The following CDK4 variants were observed in gnomAD, a reference collection of about 807,000 sequenced individuals.
CDK4 encodes the protein cyclin-dependent kinase 4.
In CDK4, 13 loss-of-function variants were observed where a neutral mutation model predicts 36.7. The ratio of observed to expected loss-of-function variants is 0.35; its 90% CI spans 0.23 to 0.56. The LOEUF is 0.56. Ranked by LOEUF, CDK4 falls within the 20% of genes least tolerant of loss-of-function variation. CDK4 has a pLI of 0.85. For missense variants in CDK4, 285 were observed against 387.3 expected (o/e 0.74, Z 2.22); for synonymous variants, 158 against 146.4 (o/e 1.08, Z -0.57).
In CDK4 at chr12:57,749,282, C is replaced by T. The variant is rs531817742; in HGVS notation, c.719G>A (p.Arg240Gln). ...IGLPPEDDWP[R>Q]DVSLPRGAFP... ...GGCTCCACGGGGCAGGGATACATCT[C>T]GAGGCCAGTCATCCTCTGGAGGCAG... The change falls in exon 7 of 8, where the codon CGA becomes CAA. Residue 240 changes from arginine (R) to glutamine (Q), a missense_variant. Physicochemically the swap from Arg to Gln is conservative, Grantham distance 43. Coordinates refer to ENST00000257904, the MANE Select transcript of CDK4 (RefSeq NM_000075.4). The T allele has an allele frequency of 6.2e-6, 10 of 1,614,198 alleles. No individual in the cohort carries two copies. Among genetic ancestry groups the T allele is most frequent in the African/African-American group, 5.3e-5 (4 of 75,058 alleles).
At chr12:57,748,819 T>C (rs2140381822) in intron 7 of CDK4, 3 of 570,438 alleles carry the variant, frequency 5.3e-6, no homozygotes, top group Non-Finnish European at 9.4e-6. Context: ...GATTCTCCTA[T>C]CTCAGCCTCC....
Position 57,747,747 on chromosome 12 carries a change from C to CT in CDK4, c.*777dup, listed in dbSNP as rs146863045. The CT allele has an allele frequency of 6.5e-3, 988 of 151,274 alleles. 4 individuals are homozygous for CT. The highest frequency in any genetic ancestry group is 9.8e-3 in the Middle Eastern group (3 of 306). The allele number at this position is 151,274 out of a possible 1,614,324, so 9.4% of individuals were successfully genotyped here. ...TAAAAGCCATTTAAAAATCTATATT[C>CT]TTTTTTTTTTTTTGACACAGAGTCT... is the stretch of plus-strand genomic sequence containing the variant. On this transcript the variant is annotated 3_prime_UTR_variant, in exon 8 of 8. Transcript: ENST00000257904.
chr12:57,751,036 C>T lies in CDK4; in HGVS notation c.409G>A (p.Val137Ile), dbSNP rs150281463. 2.6e-5 allele frequency: 42 copies of T among 1,614,146 alleles called. No homozygotes were observed. Among genetic ancestry groups the T allele is most frequent in the African/African-American group, 1.5e-4 (11 of 75,010 alleles). ...TTCTCTGGCTTCAGATCTCGGTGAA[C>T]GATGCAATTGGCATGAAGGAAATCT... ...GLDFLHANCI[V>I]HRDLKPENIL... The change falls in exon 4 of 8, where the codon GTT becomes ATT. Residue 137 changes from valine (V) to isoleucine (I), a missense_variant. Coordinates refer to ENST00000257904, the MANE Select transcript of CDK4 (RefSeq NM_000075.4). The surrounding 1 kb of genome is among the most constrained non-coding windows in gnomAD (Gnocchi z 4.5).
At chr12:57,749,087 G>T in intron 7 of CDK4, 95 bp downstream of exon 7, 1 of 1,499,092 alleles carries the variant, frequency 6.7e-7, no homozygotes, top group South Asian at 1.1e-5. Flanking sequence ...TACCAACCAA[G>T]TTTCATTAAC....
At chr12:57,750,566 C>CAA in intron 5 of CDK4, 90 bp downstream of exon 5, 2 of 917,814 alleles carry the variant, frequency 2.2e-6, no homozygotes, top group Non-Finnish European at 3.6e-6. Context: ...GCCCTGGTCT[C>CAA]AAAAAAAAAG....
In CDK4 at chr12:57,751,389, G is replaced by A. The variant is rs2140387753; in HGVS notation, c.219-47C>T. The A allele has an allele frequency of 2.5e-6, 4 of 1,613,648 alleles. No individual in the cohort carries two copies. Among genetic ancestry groups the A allele is most frequent in the Non-Finnish European group, 3.4e-6 (4 of 1,179,784 alleles). ...TTTTCAATCCCCTTTAACCCAACAT[G>A]GCCTCTCATTATTTCCTCAGGGTCC... On this transcript the variant is annotated intron_variant, in intron 2 of 7. Coordinates refer to ENST00000257904, the MANE Select transcript of CDK4 (RefSeq NM_000075.4). The surrounding 1 kb of genome is among the most constrained non-coding windows in gnomAD (Gnocchi z 4.5).
rs1955188619 is a variant in CDK4, at chr12:57,748,631, CA to C, written c.820-15del. On this transcript the variant is annotated splice_polypyrimidine_tract_variant and intron_variant, in intron 7 of 7. Coordinates refer to ENST00000257904, the MANE Select transcript of CDK4 (RefSeq NM_000075.4). ...AGTCAGCATTTCCTGAGGGGAGAGGCAAAGGTCAGAAAACCATGAAGAAAAC... is the reference window on the plus strand; with the variant it reads ...AGTCAGCATTTCCTGAGGGGAGAGGCAAGGTCAGAAAACCATGAAGAAAAC... The C allele has an allele frequency of 1.9e-6, 3 of 1,585,692 alleles. No homozygotes were observed. Among genetic ancestry groups the C allele is most frequent in the African/African-American group, 2.7e-5 (2 of 74,352 alleles).
rs2140388266 is a variant in CDK4, at chr12:57,751,551, T to G, written c.167A>C (p.Glu56Ala). Residue 56 changes from glutamate (E) to alanine (A), a missense_variant, in exon 2 of 8, where the codon GAG becomes GCG. Glu to Ala is a moderately radical substitution (Grantham distance 107). Coordinates refer to ENST00000257904, the MANE Select transcript of CDK4 (RefSeq NM_000075.4). This position sits in a 1 kb window ranked among gnomAD's most constrained non-coding sequence, Gnocchi z 4.5. ...GGGLPISTVREVALLRRLEAF... is the reference protein window; with the variant it reads ...GGGLPISTVRAVALLRRLEAF... ...CTCCAGTCGCCTCAGTAAAGCCACC[T>G]CACGAACTGTGCTGATGGGAAGGCC... The G allele has an allele frequency of 3.7e-6, 6 of 1,613,992 alleles. No homozygotes were observed. The highest frequency in any genetic ancestry group is 5.1e-6 in the Non-Finnish European group (6 of 1,179,996).
At position 57,751,150 on chromosome 12, in the gene CDK4, G is replaced by A. The variant is rs3211613; in HGVS notation, c.354+57C>T. On this transcript the variant is annotated intron_variant, in intron 3 of 7. Coordinates refer to ENST00000257904, the MANE Select transcript of CDK4 (RefSeq NM_000075.4). The surrounding 1 kb of genome is among the most constrained non-coding windows in gnomAD (Gnocchi z 4.5). ...ACTAGGCACCATACCTGAAATCCCA[G>A]AAGGTTCTACTACAAAGGTCCCAAT... 6.2e-7 allele frequency: 1 copy of A among 1,614,058 alleles called. No individual in the cohort carries two copies. Among genetic ancestry groups the A allele is most frequent in the Admixed American group, 1.7e-5 (1 of 60,012 alleles).
At chr12:57,749,573 GT>G (rs1955207750) in intron 5 of CDK4, 69 bp from the exon 6 acceptor site, 4 of 1,464,464 alleles carry the variant, frequency 2.7e-6, no homozygotes, top group Non-Finnish European at 3.8e-6. Context: ...TTACTGCTTA[GT>G]GGCTCAAAAT....
At chr12:57,750,880 T>TACTCC in intron 4 of CDK4, 43 bp downstream of exon 4, 1 of 1,611,612 alleles carries the variant, frequency 6.2e-7, no homozygotes, top group Non-Finnish European at 8.5e-7. Flanking sequence ...ATCACTCTCC[T>TACTCC]ACTCCCAACC....
Position 57,749,224 on chromosome 12 carries a change from C to G in CDK4, c.777G>C (p.Ser259=), listed in dbSNP as rs3211622. 6.2e-7 allele frequency: 1 copy of G among 1,614,044 alleles called. No homozygotes were observed. Among genetic ancestry groups the G allele is most frequent in the Non-Finnish European group, 8.5e-7 (1 of 1,179,898 alleles). Residue 259 remains serine, a synonymous_variant, in exon 7 of 8, where the codon TCG becomes TCC. Transcript: ENST00000257904. ...FPPRGPRPVQ[S]VVPEMEESGA... ...CCGACTCCTCCATCTCAGGTACCAC[C>G]GACTGCACTGGGCGGGGCCCTCTGG... is the stretch of plus-strand genomic sequence containing the variant.
In CDK4 at chr12:57,749,206, C is replaced by T. The variant is rs747521511; in HGVS notation, c.795G>A (p.Glu265=). The change falls in exon 7 of 8, where the codon GAG becomes GAA. Residue 265 remains glutamate, a synonymous_variant. Coordinates refer to ENST00000257904, the MANE Select transcript of CDK4 (RefSeq NM_000075.4). The stretch of plus-strand genomic sequence containing the variant: ...CCAGCAGCAGCTGTGCTCCCGACTC[C>T]TCCATCTCAGGTACCACCGACTGCA... ...RPVQSVVPEM[E]ESGAQLLLEM... 4.3e-6 allele frequency: 7 copies of T among 1,614,036 alleles called. No individual in the cohort carries two copies. Among genetic ancestry groups the T allele is most frequent in the Admixed American group, 3.3e-5 (2 of 60,018 alleles).
At chr12:57,750,299 C>A (rs995587481) in intron 5 of CDK4, 3 of 321,164 alleles carry the variant, frequency 9.3e-6, no homozygotes, top group Non-Finnish European at 1.8e-5. Context: ...AGAATGGGGC[C>A]AGATGCAGTA....
intron 5 of CDK4, chr12:57,750,356 A>G: frequency 2.6e-6 from 1 of 381,134 alleles, no homozygotes. Context: ...GCTTGAGTGC[A>G]AGAGTTCAAG....
rs2140387830 is a variant in CDK4 at position 57,751,411 on chromosome 12, G to T, written c.219-69C>A. 6.2e-7 allele frequency: 1 copy of T among 1,611,972 alleles called. No individual in the cohort carries two copies. The highest frequency in any genetic ancestry group is 8.5e-7 in the Non-Finnish European group (1 of 1,178,448). ...CATGGCCTCTCATTATTTCCTCAGG[G>T]TCCCCACTTCTCTACAGATCATCAC... On this transcript the variant is annotated intron_variant, in intron 2 of 7. Coordinates refer to ENST00000257904, the MANE Select transcript of CDK4 (RefSeq NM_000075.4). The surrounding 1 kb of genome is among the most constrained non-coding windows in gnomAD (Gnocchi z 4.5).
At chr12:57,752,141 C>G (rs1365574486) in intron 1 of CDK4, 34 bp downstream of exon 1, 2 of 324,804 alleles carry the variant, frequency 6.2e-6, no homozygotes, top group South Asian at 5.2e-5. Flanking sequence ...GGGGCGGGCA[C>G]TGGTTCTCAT....
chr12:57,750,950 G>A lies in CDK4; in HGVS notation c.495C>T (p.Tyr165=), dbSNP rs2140386359. The A allele has an allele frequency of 6.2e-7, 1 of 1,614,098 alleles. No homozygotes were observed. The highest frequency in any genetic ancestry group is 8.5e-7 in the Non-Finnish European group (1 of 1,180,018). The change falls in exon 4 of 8, where the codon TAC becomes TAT. Residue 165 remains tyrosine, a synonymous_variant. Transcript: ENST00000257904. Reference sequence around the variant, plus strand: ...CGGGTGTAAGTGCCATCTGGTAGCTGTAGATTCTGGCCAGGCCAAAGTCAG... The same window carrying A: ...CGGGTGTAAGTGCCATCTGGTAGCTATAGATTCTGGCCAGGCCAAAGTCAG... ...KLADFGLARI[Y]SYQMALTPVV... is the part of the protein sequence containing the mutation.
intron 7 of CDK4, 74 bp downstream of exon 7, chr12:57,749,108 A>C: frequency 2.4e-4 from 357 of 1,485,454 alleles, no homozygotes; most frequent in Middle Eastern, 3.5e-4. Context: ...CACAGTGGCC[A>C]GGGCCCTGCA....
Sources: gnomAD v4.1 joint callset for allele counts on GRCh38, gnomAD v4.1.1 for gene constraint, Gnocchi (gnomAD v3.1) non-coding constraint, MANE v1.5 for transcripts, NCBI Gene and HGNC (gene_info 2026-07-23, HGNC 2026-07-21) for gene names.